The following COL5A1 variants were observed in gnomAD, a reference collection of about 807,000 sequenced individuals.
COL5A1 encodes the protein collagen alpha-1(V) chain.
A neutral mutation model predicts 263.7 loss-of-function variants in COL5A1; 16 were observed. That is an observed-to-expected ratio of 0.06 (90% CI 0.04 to 0.09). COL5A1 has a LOEUF of 0.09. Ranked by LOEUF, COL5A1 falls within the 10% of genes least tolerant of loss-of-function variation. COL5A1 has a pLI of 1.00. For synonymous variants in COL5A1, 1,012 were observed against 1,004.5 expected (o/e 1.01, Z -0.14); for missense variants, 2,036 against 2,540.5 (o/e 0.80, Z 4.27).
In COL5A1 at chr9:134,842,153, C is replaced by T. The variant is rs373453085; in HGVS notation, c.5371-4C>T. 4.3e-6 allele frequency: 7 copies of T among 1,614,022 alleles called. No individual in the cohort carries two copies. In the African/African-American group the frequency reaches 8.0e-5, roughly 18 times the overall value. ...CACCGGCCATCTGTCTCCCTCTTCC[C>T]CAGACCAAGAAAGGCTACCAGAAGA... is the stretch of plus-strand genomic sequence containing the variant. On this transcript the variant is annotated splice_region_variant and splice_polypyrimidine_tract_variant and intron_variant, in intron 65 of 65. Coordinates refer to ENST00000371817, the MANE Select transcript of COL5A1 (RefSeq NM_000093.5). This position sits in a 1 kb window ranked among gnomAD's most constrained non-coding sequence, Gnocchi z 5.8.
At position 134,696,680 on chromosome 9, in the gene COL5A1, G is replaced by T. The variant is rs1192239947; in HGVS notation, c.278-3229G>T. Among the ~76,000 whole-genome samples the T allele has an allele frequency of 6.6e-6, 1 of 152,104 alleles. No individual in the cohort carries two copies. Among genetic ancestry groups the T allele is most frequent in the Admixed American group, 6.5e-5 (1 of 15,270 alleles). The stretch of plus-strand genomic sequence containing the variant: ...GCAATCGGTATGCTTAGTAACTGTC[G>T]GCTCAGTATGATTTAGTTTCAACAC... On this transcript the variant is annotated intron_variant, in intron 2 of 65. Transcript: ENST00000371817. This position sits in a 1 kb window ranked among gnomAD's most constrained non-coding sequence, Gnocchi z 4.3.
intron 18 of COL5A1, among the ~76,000 whole-genome samples, chr9:134,759,345 C>CAT (rs1836134733): frequency 7.1e-6 from 1 of 140,776 alleles, no homozygotes; most frequent in South Asian, 2.3e-4. Flanking sequence ...AGCACACACA[C>CAT]ACACCCACAT....
rs182981258 is a variant in COL5A1 at position 134,647,612 on chromosome 9, C to T, written c.109+5316C>T. ...CGACGTTTCTCTCCTTACCGTGACC[C>T]GGCCCCAGCTGGACGGGAGAGGAGG... On this transcript the variant is annotated intron_variant, in intron 1 of 65. Coordinates refer to ENST00000371817, the MANE Select transcript of COL5A1 (RefSeq NM_000093.5). The surrounding 1 kb of genome is among the most constrained non-coding windows in gnomAD (Gnocchi z 5.0). Among the ~76,000 whole-genome samples, 4 of 152,304 alleles carry T rather than the reference C, an allele frequency of 2.6e-5. No homozygotes were observed. Among genetic ancestry groups the T allele is most frequent in the East Asian group, 1.9e-4 (1 of 5,178 alleles).
intron 6 of COL5A1, 37 bp from the exon 7 acceptor site, chr9:134,730,199 C>T (rs201900435): frequency 5.0e-5 from 80 of 1,609,722 alleles, no homozygotes; most frequent in Admixed American, 4.0e-4. Flanking sequence ...TGCCGGCCTC[C>T]GCCCTGACTC....
At chr9:134,661,631 C>A (rs1476982190) in intron 1 of COL5A1, among the ~76,000 whole-genome samples, 2 of 151,996 alleles carry the variant, frequency 1.3e-5, no homozygotes, top group Non-Finnish European at 2.9e-5. Context: ...GCACCCATAC[C>A]CCCCTCCCCA....
chr9:134,773,874 CT>C, intron 26 of COL5A1, among the ~76,000 whole-genome samples: 1 of 152,224 alleles, frequency 6.6e-6, no homozygotes, highest in East Asian at 1.9e-4. Context: ...GCAGCAGCCA[CT>C]GGGGTGAACC....
intron 1 of COL5A1, among the ~76,000 whole-genome samples, chr9:134,655,203 GC>G (rs1206596497): frequency 6.6e-6 from 1 of 151,706 alleles, no homozygotes; most frequent in Non-Finnish European, 1.5e-5. Flanking sequence ...GTTGTGTTGG[GC>G]CGGGCGTCTG....
rs77385920 is a variant in COL5A1, at chr9:134,774,096, G to C, written c.2332-763G>C. On this transcript the variant is annotated intron_variant, in intron 26 of 65. Transcript: ENST00000371817. ...CCACAGCACAGGCCCACTGTTCTGAGAGCTGGCTTTTCAACTGGAACGAGA... is the reference window on the plus strand; with the variant it reads ...CCACAGCACAGGCCCACTGTTCTGACAGCTGGCTTTTCAACTGGAACGAGA... Among the ~76,000 whole-genome samples the C allele has an allele frequency of 4.6e-3, 696 of 152,372 alleles. 3 individuals carry two copies. Among genetic ancestry groups the C allele is most frequent in the African/African-American group, 0.016 (653 of 41,594 alleles).
At chr9:134,694,281 AC>A (rs1039851440) in intron 2 of COL5A1, among the ~76,000 whole-genome samples, 63 of 152,214 alleles carry the variant, frequency 4.1e-4, no homozygotes, top group Admixed American at 3.9e-4. Context: ...GGGAGCCTCC[AC>A]CTGGGTGCAG....
Position 134,789,742 on chromosome 9 carries a change from CAG to C in COL5A1, c.2700+535_2700+536del, listed in dbSNP as rs546699805. On this transcript the variant is annotated intron_variant, in intron 32 of 65. Transcript: ENST00000371817. The surrounding 1 kb of genome is among the most constrained non-coding windows in gnomAD (Gnocchi z 4.8). ...TTTGTCCTCACCCTCAGCGAAGGAA[CAG>C]GGGGCCGGGCTGAGGGAGCTGTGTT... 5.9e-5 allele frequency among the ~76,000 whole-genome samples: 9 copies of C among 152,340 alleles called. No individual in the cohort carries two copies. In the South Asian group the frequency reaches 8.3e-4, roughly 14 times the overall value.
chr9:134,687,994 G>A (rs771208968), intron 1 of COL5A1, among the ~76,000 whole-genome samples: 19 of 152,320 alleles, frequency 1.2e-4, no homozygotes, highest in Non-Finnish European at 2.2e-4. Flanking sequence ...TCCTGATGGA[G>A]GCTGGAAGAA....
intron 5 of COL5A1, 43 bp from the exon 6 acceptor site, chr9:134,728,627 G>A: frequency 1.2e-6 from 2 of 1,612,986 alleles, no homozygotes; most frequent in South Asian, 2.2e-5. Context: ...TGGTCGCTCT[G>A]CGGGCTCCGC....
At chr9:134,764,909 G>A (rs1421887328) in intron 20 of COL5A1, among the ~76,000 whole-genome samples, 1 of 152,188 alleles carries the variant, frequency 6.6e-6, no homozygotes, top group Admixed American at 6.5e-5. Flanking sequence ...AGTGGGGGAA[G>A]GAGTTCTCTT....
In COL5A1 at chr9:134,690,832, C is replaced by T. The variant is rs1833252223; in HGVS notation, c.110-80C>T. 9 of 1,551,934 alleles carry T rather than the reference C, an allele frequency of 5.8e-6. No homozygotes were observed. The South Asian group carries it at 1.0e-4, about 17-fold the overall frequency. On this transcript the variant is annotated intron_variant, in intron 1 of 65. Coordinates refer to ENST00000371817, the MANE Select transcript of COL5A1 (RefSeq NM_000093.5). ...CACAGTGGTGGGGGTGGGGGTGCTT[C>T]CTGTCATCCCAGCTTCCGGGTGTTC... is the stretch of plus-strand genomic sequence containing the variant.
At chr9:134,658,489 C>T (rs1399675284) in intron 1 of COL5A1, among the ~76,000 whole-genome samples, 1 of 152,216 alleles carries the variant, frequency 6.6e-6, no homozygotes, top group Admixed American at 6.5e-5. Context: ...TGGGCCTGTC[C>T]TTGCACGCCC....
chr9:134,642,008 CA>C lies in COL5A1; in HGVS notation c.-179del. The C allele has an allele frequency of 9.6e-6, 5 of 523,318 alleles. No homozygotes were observed. Among genetic ancestry groups the C allele is most frequent in the Non-Finnish European group, 1.5e-5 (5 of 341,426 alleles). 32.4% of individuals were successfully genotyped at this position (523,318 alleles called of 1,614,324 possible). ...CCCTCCCGCCCGTGGGCGAGCGCGCCAGCCGCCCCTTCCAGAACAGCCGCCG... is the reference window on the plus strand; with the variant it reads ...CCCTCCCGCCCGTGGGCGAGCGCGCCGCCGCCCCTTCCAGAACAGCCGCCG... On this transcript the variant is annotated 5_prime_UTR_variant, in exon 1 of 66. Transcript: ENST00000371817. The surrounding 1 kb of genome is among the most constrained non-coding windows in gnomAD (Gnocchi z 4.5).
intron 2 of COL5A1, among the ~76,000 whole-genome samples, chr9:134,694,583 C>T (rs1588443961): frequency 1.3e-5 from 2 of 152,330 alleles, no homozygotes; most frequent in Non-Finnish European, 1.5e-5. Context: ...CCCCCTCATT[C>T]GAAGAGGGTT....
chr9:134,796,297 A>G, intron 34 of COL5A1, 77 bp from the exon 35 acceptor site: 1 of 1,504,770 alleles, frequency 6.6e-7, no homozygotes, highest in South Asian at 1.1e-5. Flanking sequence ...AGACGTTTTG[A>G]TGACGTTGTG....
At chr9:134,802,749 C>A in intron 38 of COL5A1, 139 bp from the exon 39 acceptor site, 1 of 714,642 alleles carries the variant, frequency 1.4e-6, no homozygotes, top group Non-Finnish European at 2.5e-6. Flanking sequence ...AGAAGGCTTG[C>A]AAAGGCACTT....
Sources: gnomAD v4.1 joint callset for allele counts (sites outside exome capture counted in the v4.1 genomes callset) on GRCh38, gnomAD v4.1.1 for gene constraint, Gnocchi (gnomAD v3.1) non-coding constraint, MANE v1.5 for transcripts, NCBI Gene and HGNC (gene_info 2026-07-23, HGNC 2026-07-21) for gene names.